Variants in RSRC1 observed in about 807,000 individuals in gnomAD.
The protein encoded by RSRC1 is serine/Arginine-related protein 53.
A neutral mutation model predicts 49.1 loss-of-function variants in RSRC1; 39 were observed. The ratio of observed to expected loss-of-function variants is 0.79; its 90% CI spans 0.61 to 1.04. RSRC1 has a LOEUF of 1.04. RSRC1 is among the 50% of genes least tolerant of loss of function. The pLI, the probability that RSRC1 is intolerant of heterozygous loss-of-function variation, is 0.00. For missense variants in RSRC1, 388 were observed against 402.4 expected (o/e 0.96, Z 0.31); for synonymous variants, 143 against 130.8 (o/e 1.09, Z -0.63).
chr3:158,370,230 T>C (rs1474628593), intron 6 of RSRC1, among the ~76,000 whole-genome samples: 1 of 151,944 alleles, frequency 6.6e-6, no homozygotes, highest in African/African-American at 2.4e-5. Flanking sequence ...TTTTCTGTGG[T>C]TATGAAGAGA....
At chr3:158,124,820 CTTTT>C (rs35329457) in intron 3 of RSRC1, among the ~76,000 whole-genome samples, 3 of 120,566 alleles carry the variant, frequency 2.5e-5, no homozygotes, top group Non-Finnish European at 3.4e-5. Flanking sequence ...TTCTTTCTTT[CTTTT>C]TTTTTTTTTT....
chr3:158,432,764 A>G (rs561057023), intron 6 of RSRC1, among the ~76,000 whole-genome samples: 1 of 151,956 alleles, frequency 6.6e-6, no homozygotes, highest in Non-Finnish European at 1.5e-5. Context: ...CATATTTCTC[A>G]TAATATCAGG....
rs1237950125 is a variant in RSRC1 at position 158,339,116 on chromosome 3, C to T, written c.532-15741C>T. ...GACCATCCTGGCTAACAAGGTGAAACCCCGTCTCTACTAAAAATACAAAAA... is the reference window on the plus strand; with the variant it reads ...GACCATCCTGGCTAACAAGGTGAAATCCCGTCTCTACTAAAAATACAAAAA... On this transcript the variant is annotated intron_variant, in intron 5 of 9. Coordinates refer to ENST00000611884, the MANE Select transcript of RSRC1 (RefSeq NM_001271838.2). Among the ~76,000 whole-genome samples the T allele has an allele frequency of 4.0e-5, 6 of 151,764 alleles. No individual in the cohort carries two copies. The East Asian group carries it at 7.8e-4, about 20-fold the overall frequency.
chr3:158,323,408 G>A (rs1014102734), intron 5 of RSRC1, among the ~76,000 whole-genome samples: 2 of 152,174 alleles, frequency 1.3e-5, no homozygotes, highest in Non-Finnish European at 2.9e-5. Flanking sequence ...CAAAGGTGGA[G>A]CAAATTCACA....
chr3:158,211,240 T>A (rs1027563230), intron 4 of RSRC1, among the ~76,000 whole-genome samples: 3 of 152,032 alleles, frequency 2.0e-5, no homozygotes, highest in Admixed American at 1.3e-4. Flanking sequence ...CGGTATGGAA[T>A]GCACAGAAAC....
At chr3:158,318,731 C>T (rs1559990720) in intron 5 of RSRC1, among the ~76,000 whole-genome samples, 1 of 152,204 alleles carries the variant, frequency 6.6e-6, no homozygotes, top group Non-Finnish European at 1.5e-5. Flanking sequence ...CCTGCATGGA[C>T]TTATGTCAGA....
chr3:158,524,348 A>G lies in RSRC1; in HGVS notation c.653-12744A>G, dbSNP rs547989392. ...ATTTATGTGCCTGGTCTGCTGCTGC[A>G]GGCTTCACCTTCAATATCATCTCAT... On this transcript the variant is annotated intron_variant, in intron 7 of 9. Coordinates refer to ENST00000611884, the MANE Select transcript of RSRC1 (RefSeq NM_001271838.2). 2.0e-5 allele frequency among the ~76,000 whole-genome samples: 3 copies of G among 152,160 alleles called. No individual in the cohort carries two copies. In the South Asian group the frequency reaches 6.2e-4, roughly 32 times the overall value.
At chr3:158,469,300 T>C (rs1170786670) in intron 7 of RSRC1, 1 of 396,738 alleles carries the variant, frequency 2.5e-6, no homozygotes, top group Admixed American at 3.2e-5. Flanking sequence ...ATAATAGTTA[T>C]TTAATTCAAT....
At chr3:158,125,108 C>G (rs770206335) in intron 3 of RSRC1, among the ~76,000 whole-genome samples, 7 of 152,024 alleles carry the variant, frequency 4.6e-5, no homozygotes, top group Non-Finnish European at 8.8e-5. Flanking sequence ...TATGATCTAC[C>G]TTGCCCGGCC....
chr3:158,382,973 T>C (rs1266107627), intron 6 of RSRC1, among the ~76,000 whole-genome samples: 1 of 152,220 alleles, frequency 6.6e-6, no homozygotes, highest in African/African-American at 2.4e-5. Flanking sequence ...TTTGATGCCT[T>C]ATTTACATTT....
intron 4 of RSRC1, among the ~76,000 whole-genome samples, chr3:158,284,840 G>A (rs1034728174): frequency 6.7e-6 from 1 of 149,464 alleles, no homozygotes; most frequent in Non-Finnish European, 1.5e-5. Context: ...CCATTTTGTA[G>A]GTTGCCTCTT....
chr3:158,274,370 C>G (rs1578271738), intron 4 of RSRC1, among the ~76,000 whole-genome samples: 1 of 147,450 alleles, frequency 6.8e-6, no homozygotes, highest in Non-Finnish European at 1.5e-5. Context: ...CAAGGTTAGT[C>G]TTTTTTTTTT....
intron 4 of RSRC1, among the ~76,000 whole-genome samples, chr3:158,239,102 A>G (rs186328129): frequency 3.9e-4 from 59 of 152,364 alleles, no homozygotes; most frequent in African/African-American, 1.4e-3. Context: ...CAACAGACAC[A>G]TGAAAAAATG....
chr3:158,378,412 T>G (rs1732497642), intron 6 of RSRC1, among the ~76,000 whole-genome samples: 1 of 152,228 alleles, frequency 6.6e-6, no homozygotes, highest in African/African-American at 2.4e-5. Context: ...TGTTGAATGA[T>G]TATTTGATTG....
At chr3:158,500,738 A>C (rs943693736) in intron 7 of RSRC1, among the ~76,000 whole-genome samples, 1 of 152,020 alleles carries the variant, frequency 6.6e-6, no homozygotes, top group African/African-American at 2.4e-5. Flanking sequence ...TAATGAGGTT[A>C]TTTGGATTTC....
At position 158,235,695 on chromosome 3, in the gene RSRC1, C is replaced by T. The variant is rs1348799704; in HGVS notation, c.494+32450C>T. On this transcript the variant is annotated intron_variant, in intron 4 of 9. Coordinates refer to ENST00000611884, the MANE Select transcript of RSRC1 (RefSeq NM_001271838.2). The stretch of plus-strand genomic sequence containing the variant: ...TGTCTGTATTTCTTCTAATAACAAA[C>T]ATTAACATAGTTATATATTTGCTTT... Among the ~76,000 whole-genome samples, 3 of 152,246 alleles carry T rather than the reference C, an allele frequency of 2.0e-5. No homozygotes were observed. The South Asian group carries it at 6.2e-4, about 32-fold the overall frequency.
At position 158,497,922 on chromosome 3, in the gene RSRC1, G is replaced by A. The variant is rs1739423602; in HGVS notation, c.652+36919G>A. Among the ~76,000 whole-genome samples the A allele has an allele frequency of 2.0e-5, 3 of 152,096 alleles. No homozygotes were observed. In the South Asian group the frequency reaches 6.2e-4, roughly 32 times the overall value. ...GGCTGAGTAGTATTCCATCGTGTGT[G>A]TATATATATACACACATATCTCACA... On this transcript the variant is annotated intron_variant, in intron 7 of 9. Coordinates refer to ENST00000611884, the MANE Select transcript of RSRC1 (RefSeq NM_001271838.2).
intron 3 of RSRC1, among the ~76,000 whole-genome samples, chr3:158,179,833 A>G (rs1471643705): frequency 6.6e-6 from 1 of 152,086 alleles, no homozygotes; most frequent in East Asian, 1.9e-4. Flanking sequence ...GATTTGCTGT[A>G]TTGTTTTAAA....
At chr3:158,503,370 C>CA (rs1295264446) in intron 7 of RSRC1, among the ~76,000 whole-genome samples, 2 of 152,128 alleles carry the variant, frequency 1.3e-5, no homozygotes, top group Non-Finnish European at 2.9e-5. Context: ...TGGCCTCCTG[C>CA]TGGGAGGTGG....
Sources: allele counts gnomAD v4.1 joint callset (sites outside exome capture counted in the v4.1 genomes callset), GRCh38; gene constraint gnomAD v4.1.1; transcripts MANE v1.5; gene names NCBI Gene and HGNC (gene_info 2026-07-23, HGNC 2026-07-21).